Variants in CENPE observed in about 807,000 individuals in gnomAD.
The protein encoded by CENPE is centromere-associated protein E.
CENPE carries 145 observed loss-of-function variants against 336.1 expected under a neutral mutation model. That is an observed-to-expected ratio of 0.43 (90% CI 0.38 to 0.50). The LOEUF is 0.50. Among genes scored for constraint, CENPE ranks in the 20% least tolerant of loss-of-function variants. The probability of loss-of-function intolerance (pLI) is 0.00; values close to 1 mark genes in which losing one functional copy is unlikely to be tolerated. For synonymous variants in CENPE, 1,013 were observed against 984.8 expected (o/e 1.03, Z -0.54); for missense variants, 2,719 against 3,023.3 (o/e 0.90, Z 2.36).
At chr4:103,125,443 A>C (rs762787812) in intron 42 of CENPE, among the ~76,000 whole-genome samples, 4 of 152,224 alleles carry the variant, frequency 2.6e-5, no homozygotes, top group Non-Finnish European at 5.9e-5. Context: ...AAAACAAGTT[A>C]ACAAACTGGT....
chr4:103,159,815 A>G (rs1425967454), intron 21 of CENPE, among the ~76,000 whole-genome samples: 1 of 151,920 alleles, frequency 6.6e-6, no homozygotes, highest in African/African-American at 2.4e-5. Context: ...TAGAAGTACC[A>G]CTTAAGTAAT....
chr4:103,185,964 G>T, intron 8 of CENPE, 103 bp from the exon 9 acceptor site: 1 of 718,636 alleles, frequency 1.4e-6, no homozygotes, highest in African/African-American at 1.8e-5. Flanking sequence ...CTGAATATTC[G>T]ATCTGTATCC....
intron 8 of CENPE, among the ~76,000 whole-genome samples, chr4:103,192,210 G>T (rs1465017316): frequency 6.6e-6 from 1 of 152,128 alleles, no homozygotes; most frequent in Non-Finnish European, 1.5e-5. Context: ...AGTTAAGGAG[G>T]CTAATTTTTC....
chr4:103,170,483 G>A (rs1228456361), intron 16 of CENPE, among the ~76,000 whole-genome samples: 1 of 152,078 alleles, frequency 6.6e-6, no homozygotes, highest in Non-Finnish European at 1.5e-5. Context: ...AAAATAACCT[G>A]CATAACTGTA....
rs1441384340 is a variant in CENPE, at chr4:103,158,304, T to C, written c.3029A>G (p.Gln1010Arg). The C allele has an allele frequency of 6.2e-7, 1 of 1,603,162 alleles. No homozygotes were observed. The highest frequency in any genetic ancestry group is 1.1e-5 in the South Asian group (1 of 88,816). The stretch of plus-strand genomic sequence containing the variant: ...CTGAAAATAAACACCCTTTACCTTT[T>C]GCTGAAATTCATCTTTAGTTTCTCC... ...NTGETKDEFQ[Q>R]KMVGIDKKQD... The change falls in exon 24 of 49, where the codon CAA (glutamine) becomes CGA (arginine). Residue 1010 changes from glutamine (Q) to arginine (R), a missense_variant. Coordinates refer to ENST00000265148, the MANE Select transcript of CENPE (RefSeq NM_001813.3).
At chr4:103,168,074 A>G (rs1356320265) in intron 16 of CENPE, among the ~76,000 whole-genome samples, 2 of 151,896 alleles carry the variant, frequency 1.3e-5, no homozygotes, top group Non-Finnish European at 2.9e-5. Flanking sequence ...CGACGGGGAC[A>G]TGTACTGGCT....
rs367908070 is a variant in CENPE at position 103,136,307 on chromosome 4, C to T, written c.6356G>A (p.Arg2119Lys). The T allele has an allele frequency of 3.2e-5, 51 of 1,612,978 alleles. No homozygotes were observed. The highest frequency in any genetic ancestry group is 2.7e-4 in the African/African-American group (20 of 74,898). Residue 2119 changes from arginine (R) to lysine (K), a missense_variant, in exon 40 of 49, where the codon AGA becomes AAA. Transcript: ENST00000265148. ...EMDDHYECLN[R>K]LSLDLEKEIE... The stretch of plus-strand genomic sequence containing the variant: ...TTCCTTCTCCAAGTCAAGAGACAAT[C>T]TATTCAAGCACTCATAATGATCATC...
chr4:103,107,841 C>T (rs1280224176), intron 48 of CENPE, among the ~76,000 whole-genome samples: 2 of 152,180 alleles, frequency 1.3e-5, no homozygotes, highest in African/African-American at 4.8e-5. Context: ...ACCTTAGAGA[C>T]GAGGTGATGT....
In CENPE at chr4:103,176,020, A is replaced by G. The variant is rs1429843500; in HGVS notation, c.1419T>C (p.Ser473=). 47 of 1,604,548 alleles carry G rather than the reference A, an allele frequency of 2.9e-5. No homozygotes were observed. Among genetic ancestry groups the G allele is most frequent in the Non-Finnish European group, 4.0e-5 (47 of 1,175,500 alleles). The change falls in exon 15 of 49, where the codon AGT becomes AGC. Residue 473 remains serine (S), a synonymous_variant. Coordinates refer to ENST00000265148, the MANE Select transcript of CENPE (RefSeq NM_001813.3). The part of the protein sequence containing the change: ...ESVCSESDVF[S]NTLDTLSEIE... Reference sequence around the variant, plus strand: ...TCTCACTTAATGTATCAAGAGTGTTACTGAAAACATCAGACTCTGAACAGA... The same window carrying G: ...TCTCACTTAATGTATCAAGAGTGTTGCTGAAAACATCAGACTCTGAACAGA...
At chr4:103,183,012 A>G in intron 10 of CENPE, 121 bp from the exon 11 acceptor site, 1 of 1,068,330 alleles carries the variant, frequency 9.4e-7, no homozygotes, top group Non-Finnish European at 1.3e-6. Flanking sequence ...TACAAGTTAT[A>G]TGAGGCAGAT....
chr4:103,143,003 C>CAAAAAAAAAAAAAA, intron 34 of CENPE, among the ~76,000 whole-genome samples: 1 of 62,976 alleles, frequency 1.6e-5, no homozygotes, highest in Non-Finnish European at 3.1e-5. Context: ...GACTCTGTCT[C>CAAAAAAAAAAAAAA]AAAAAAAAAA....
At chr4:103,123,265 G>A (rs964640350) in intron 42 of CENPE, among the ~76,000 whole-genome samples, 176 bp from the exon 43 acceptor site, 4 of 152,170 alleles carry the variant, frequency 2.6e-5, no homozygotes, top group African/African-American at 9.7e-5. Flanking sequence ...ATCATTCTGA[G>A]TAGCACAGTG....
In CENPE at chr4:103,146,384, A is replaced by T. The variant is rs538500689; in HGVS notation, c.4135-277T>A. On this transcript the variant is annotated intron_variant, in intron 29 of 48. Coordinates refer to ENST00000265148, the MANE Select transcript of CENPE (RefSeq NM_001813.3). ...TGAGACTTATACTTCAAGGACAAAGATAGATATGATGTTGAATCTTACCAA... is the reference window on the plus strand; with the variant it reads ...TGAGACTTATACTTCAAGGACAAAGTTAGATATGATGTTGAATCTTACCAA... 2.9e-4 allele frequency among the ~76,000 whole-genome samples: 44 copies of T among 152,346 alleles called. 1 individual carries two copies. The highest frequency in any genetic ancestry group is 3.4e-3 in the Middle Eastern group (1 of 294).
chr4:103,176,036 T>C lies in CENPE; in HGVS notation c.1403A>G (p.Glu468Gly). 1.3e-6 allele frequency: 2 copies of C among 1,596,420 alleles called. No homozygotes were observed. The highest frequency in any genetic ancestry group is 2.7e-5 in the African/African-American group (2 of 74,176). ...LREIDESVCS[E>G]SDVFSNTLDT... ...AAGAGTGTTACTGAAAACATCAGAC[T>C]CTGAACAGACAGCTATAATTAGAGA... The change falls in exon 15 of 49, where the codon GAG becomes GGG. Residue 468 changes from glutamate (E) to glycine (G), a missense_variant. Glu to Gly is a moderately conservative substitution (Grantham distance 98). This residue lies in a region of CENPE where 2,437 missense variants were observed against 2,513.3 expected (regional missense o/e 0.97). Transcript: ENST00000265148.
chr4:103,126,891 A>C (rs1034288233), intron 42 of CENPE, among the ~76,000 whole-genome samples: 11 of 152,110 alleles, frequency 7.2e-5, no homozygotes, highest in African/African-American at 2.7e-4. Context: ...AAAGAGTAAA[A>C]AGACTGAAAA....
Position 103,133,766 on chromosome 4 carries a change from G to T in CENPE, c.6649C>A (p.Gln2217Lys). The change falls in exon 41 of 49, where the codon CAA (glutamine) becomes AAA (lysine). Residue 2217 changes from glutamine to lysine, a missense_variant. By Grantham distance (53) the Gln-to-Lys change is moderately conservative. Coordinates refer to ENST00000265148, the MANE Select transcript of CENPE (RefSeq NM_001813.3). ...TCTCTGGATGGTACATCACAATCTTGTTGAAGGTGCTGTATTTTAATTAGC... is the reference window on the plus strand; with the variant it reads ...TCTCTGGATGGTACATCACAATCTTTTTGAAGGTGCTGTATTTTAATTAGC... ...ELLIKIQHLQ[Q>K]DCDVPSRELR... 6.2e-7 allele frequency: 1 copy of T among 1,611,552 alleles called. No homozygotes were observed. Among genetic ancestry groups the T allele is most frequent in the African/African-American group, 1.3e-5 (1 of 74,944 alleles).
In CENPE at chr4:103,161,373, A is replaced by C. The variant is rs1338048151; in HGVS notation, c.1927T>G (p.Phe643Val). 6.2e-7 allele frequency: 1 copy of C among 1,612,098 alleles called. No individual in the cohort carries two copies. The highest frequency in any genetic ancestry group is 1.7e-4 in the Middle Eastern group (1 of 6,040). ...AGCTCCAGATTTTCACTTCTAAGAA[A>C]GGCTGATTCTCTCTTGGCATCAAGG... Reference protein sequence around the residue: ...VALDAKRESAFLRSENLELKE... With the variant: ...VALDAKRESAVLRSENLELKE... The change falls in exon 19 of 49, where the codon TTT (phenylalanine) becomes GTT (valine). Residue 643 changes from phenylalanine to valine, a missense_variant. Coordinates refer to ENST00000265148, the MANE Select transcript of CENPE (RefSeq NM_001813.3).
intron 29 of CENPE, 99 bp downstream of exon 29, chr4:103,147,257 G>A (rs1467239559): frequency 9.3e-7 from 1 of 1,077,444 alleles, no homozygotes; most frequent in African/African-American, 1.6e-5. Context: ...AAAAAAACTG[G>A]TAACATAATT....
intron 40 of CENPE, among the ~76,000 whole-genome samples, chr4:103,135,505 C>G (rs1013200927): frequency 6.6e-6 from 1 of 152,184 alleles, no homozygotes; most frequent in Non-Finnish European, 1.5e-5. Context: ...TTATTTCGAC[C>G]TACTATTTTA....
Sources: gnomAD v4.1 joint callset for allele counts (sites outside exome capture counted in the v4.1 genomes callset) on GRCh38, gnomAD v4.1.1 for gene constraint, gnomAD v4.1.1 regional missense constraint, MANE v1.5 for transcripts, NCBI Gene and HGNC (gene_info 2026-07-23, HGNC 2026-07-21) for gene names.